RAB31: variants seen among roughly 807,000 people sequenced by gnomAD.
RAB31 encodes the protein ras-related protein Rab-31.
A neutral mutation model predicts 25.6 loss-of-function variants in RAB31; 21 were observed. The ratio of observed to expected loss-of-function variants is 0.82; its 90% CI spans 0.58 to 1.18. The LOEUF (loss-of-function observed/expected upper bound fraction) is 1.18. Ranked by LOEUF, RAB31 falls within the 50% of genes most tolerant of loss-of-function variation. The pLI, the probability that RAB31 is intolerant of heterozygous loss-of-function variation, is 0.00. For synonymous variants in RAB31, 87 were observed against 84.0 expected, an observed-to-expected ratio of 1.04 and a Z score of -0.20; for missense variants, 196 against 250.1, an observed-to-expected ratio of 0.78 and a Z score of 1.46.
At chr18:9,710,023 T>A (rs1189583348) in intron 1 of RAB31, among the ~76,000 whole-genome samples, 1 of 152,210 alleles carries the variant, frequency 6.6e-6, no homozygotes, top group African/African-American at 2.4e-5. Context: ...TGCCTTTTTT[T>A]CTGCAACTCT....
At chr18:9,737,351 T>C (rs1451897793) in intron 1 of RAB31, among the ~76,000 whole-genome samples, 7 of 152,202 alleles carry the variant, frequency 4.6e-5, no homozygotes, top group Non-Finnish European at 4.4e-5. Context: ...TTTCCTTATG[T>C]AACATACATG....
At chr18:9,810,740 C>T (rs939533063) in intron 3 of RAB31, among the ~76,000 whole-genome samples, 3 of 152,184 alleles carry the variant, frequency 2.0e-5, no homozygotes, top group Non-Finnish European at 1.5e-5. Flanking sequence ...TCTTAGAAGA[C>T]ACCCGCAGTT....
intron 1 of RAB31, among the ~76,000 whole-genome samples, chr18:9,747,216 C>G (rs1212215254): frequency 6.6e-6 from 1 of 152,156 alleles, no homozygotes; most frequent in Non-Finnish European, 1.5e-5. Flanking sequence ...TAAAATATCA[C>G]TTTATAACCA....
chr18:9,729,505 G>C (rs993358552), intron 1 of RAB31, among the ~76,000 whole-genome samples: 7 of 151,016 alleles, frequency 4.6e-5, no homozygotes, highest in South Asian at 2.1e-4. Flanking sequence ...CCAGCCTGGG[G>C]GACAGAGTGA....
chr18:9,734,865 ATCT>A (rs771751945), intron 1 of RAB31: 1 of 236,382 alleles, frequency 4.2e-6, no homozygotes, highest in African/African-American at 2.3e-5. Context: ...AGCATTCTTA[ATCT>A]TCTCAGCTCA....
At chr18:9,807,435 A>G (rs1176893318) in intron 3 of RAB31, among the ~76,000 whole-genome samples, 1 of 152,044 alleles carries the variant, frequency 6.6e-6, no homozygotes, top group Non-Finnish European at 1.5e-5. Context: ...CCGCAAATGC[A>G]TATCACGGTG....
intron 5 of RAB31, among the ~76,000 whole-genome samples, chr18:9,842,001 C>T (rs1046849046): frequency 1.3e-5 from 2 of 151,840 alleles, no homozygotes; most frequent in African/African-American, 4.8e-5. Flanking sequence ...AGCTTAGGCC[C>T]GAAACAAAGG....
At chr18:9,767,438 G>C (rs1466447119) in intron 1 of RAB31, among the ~76,000 whole-genome samples, 2 of 152,224 alleles carry the variant, frequency 1.3e-5, no homozygotes, top group Non-Finnish European at 2.9e-5. Context: ...ATTTCTGAAA[G>C]TCTGCGGAGC....
At chr18:9,714,025 C>T (rs4797383) in intron 1 of RAB31, among the ~76,000 whole-genome samples, 19,594 of 152,204 alleles carry the variant, frequency 0.13, 1,348 homozygotes, top group South Asian at 0.23. Context: ...TGGAGGGACA[C>T]AAATATTAAT....
At chr18:9,719,298 A>AAAAT (rs1568161256) in intron 1 of RAB31, among the ~76,000 whole-genome samples, 4 of 23,100 alleles carry the variant, frequency 1.7e-4, no homozygotes, top group African/African-American at 3.7e-4. Context: ...AAAAAAAAAA[A>AAAAT]ATATATATAT....
At chr18:9,738,384 A>G (rs888559708) in intron 1 of RAB31, among the ~76,000 whole-genome samples, 1 of 152,134 alleles carries the variant, frequency 6.6e-6, no homozygotes, top group African/African-American at 2.4e-5. Context: ...TTTTAGCCCC[A>G]CCACCAATCT....
intron 5 of RAB31, among the ~76,000 whole-genome samples, chr18:9,830,954 C>A (rs2068675108): frequency 6.6e-6 from 1 of 152,224 alleles, no homozygotes; most frequent in African/African-American, 2.4e-5. Context: ...CCACTGTTTT[C>A]CTACTGACCT....
chr18:9,744,235 A>G (rs2068194230), intron 1 of RAB31, among the ~76,000 whole-genome samples: 1 of 152,166 alleles, frequency 6.6e-6, no homozygotes. Flanking sequence ...CCTTTGATCC[A>G]TTTCATACCT....
At chr18:9,812,764 C>T (rs1157761877) in intron 3 of RAB31, among the ~76,000 whole-genome samples, 8 of 130,040 alleles carry the variant, frequency 6.2e-5, no homozygotes, top group African/African-American at 2.4e-4. Flanking sequence ...GTTTTGCAAT[C>T]TTAGCTCACT....
chr18:9,739,050 C>A (rs1030279407), intron 1 of RAB31, among the ~76,000 whole-genome samples: 6 of 152,172 alleles, frequency 3.9e-5, no homozygotes, highest in Non-Finnish European at 8.8e-5. Context: ...TTTTGTTTTT[C>A]TACTCAGGTG....
chr18:9,855,054 G>C (rs946514818), intron 6 of RAB31, among the ~76,000 whole-genome samples: 8 of 152,182 alleles, frequency 5.3e-5, no homozygotes, highest in Admixed American at 5.2e-4. Context: ...GGAAATGGCT[G>C]GTCCACGGGG....
At chr18:9,756,426 AT>A (rs1057433390) in intron 1 of RAB31, among the ~76,000 whole-genome samples, 1 of 152,204 alleles carries the variant, frequency 6.6e-6, no homozygotes, top group African/African-American at 2.4e-5. Context: ...GTGTGCATAT[AT>A]CTCATTTGAT....
intron 5 of RAB31, among the ~76,000 whole-genome samples, chr18:9,843,285 C>T (rs2068743284): frequency 6.6e-6 from 1 of 152,160 alleles, no homozygotes; most frequent in East Asian, 1.9e-4. Context: ...TGGTGCAAGC[C>T]TGTAATCCCA....
intron 1 of RAB31, among the ~76,000 whole-genome samples, chr18:9,746,518 A>G (rs1415281106): frequency 6.6e-6 from 1 of 152,254 alleles, no homozygotes; most frequent in Non-Finnish European, 1.5e-5. Flanking sequence ...TTCAAAACTT[A>G]CTACAAAATT....
Sources: gnomAD v4.1 joint callset for allele counts (sites outside exome capture counted in the v4.1 genomes callset) on GRCh38, gnomAD v4.1.1 for gene constraint, MANE v1.5 for transcripts, NCBI Gene and HGNC (gene_info 2026-07-23, HGNC 2026-07-21) for gene names.